The following ITPR2 variants were observed in gnomAD, a reference collection of about 807,000 sequenced individuals.
The protein encoded by ITPR2 is inositol 1,4,5-trisphosphate-gated calcium channel ITPR2.
In ITPR2, 207 loss-of-function variants were observed where a neutral mutation model predicts 317.1. That is an observed-to-expected ratio of 0.65 (90% CI 0.58 to 0.73). ITPR2 has a LOEUF of 0.73. Ranked by LOEUF, ITPR2 falls within the 30% of genes least tolerant of loss-of-function variation. The probability of loss-of-function intolerance (pLI) is 0.00; values close to 1 mark genes in which losing one functional copy is unlikely to be tolerated. For missense variants in ITPR2, 2,613 were observed against 3,284.0 expected, an observed-to-expected ratio of 0.80 and a Z score of 4.99; for synonymous variants, 1,156 against 1,149.1, an observed-to-expected ratio of 1.01 and a Z score of -0.12.
At chr12:26,579,772 A>G (rs932767512) in intron 33 of ITPR2, among the ~76,000 whole-genome samples, 5 of 152,140 alleles carry the variant, frequency 3.3e-5, no homozygotes, top group Non-Finnish European at 7.4e-5. Flanking sequence ...AGTTATTTCA[A>G]CACCTGGCAA....
chr12:26,725,118 T>C (rs995682621), intron 3 of ITPR2, among the ~76,000 whole-genome samples: 3 of 152,164 alleles, frequency 2.0e-5, no homozygotes, highest in Non-Finnish European at 4.4e-5. Context: ...AGGCTCTTTG[T>C]TCTTTTAAAA....
At chr12:26,814,048 G>C (rs1306102339) in intron 1 of ITPR2, among the ~76,000 whole-genome samples, 2 of 152,104 alleles carry the variant, frequency 1.3e-5, no homozygotes, top group Non-Finnish European at 2.9e-5. Flanking sequence ...AGAGCAGCTG[G>C]ACCATCATCG....
intron 2 of ITPR2, among the ~76,000 whole-genome samples, chr12:26,744,623 A>G (rs1949288975): frequency 6.6e-6 from 1 of 152,248 alleles, no homozygotes; most frequent in Non-Finnish European, 1.5e-5. Context: ...ACGAATAAAA[A>G]AAACATTAGT....
chr12:26,742,643 T>G (rs1346774373), intron 2 of ITPR2, among the ~76,000 whole-genome samples: 1 of 151,982 alleles, frequency 6.6e-6, no homozygotes, highest in Non-Finnish European at 1.5e-5. Flanking sequence ...GGTGAAACCC[T>G]GTCTTACTAA....
At chr12:26,800,679 C>T (rs1950540998) in intron 1 of ITPR2, among the ~76,000 whole-genome samples, 1 of 152,032 alleles carries the variant, frequency 6.6e-6, no homozygotes, top group African/African-American at 2.4e-5. Flanking sequence ...GGACTGAAGA[C>T]AGTAAATCAG....
At chr12:26,563,485 G>T (rs1382349045) in intron 34 of ITPR2, among the ~76,000 whole-genome samples, 1 of 151,928 alleles carries the variant, frequency 6.6e-6, no homozygotes, top group Admixed American at 6.6e-5. Context: ...CAGGAGAATC[G>T]CTTGAACCCA....
At position 26,391,555 on chromosome 12, in the gene ITPR2, CCTTTTTTTTTTTTTTTTTTTT is replaced by C. The variant is rs1939845168; in HGVS notation, c.7697-3982_7697-3962del. Among the ~76,000 whole-genome samples the C allele has an allele frequency of 4.2e-5, 3 of 70,854 alleles. No homozygotes were observed. In the Admixed American group the frequency reaches 6.1e-4, roughly 14 times the overall value. 46.5% of individuals were successfully genotyped at this position (70,854 alleles called of 152,430 possible). On this transcript the variant is annotated intron_variant, in intron 54 of 56. Transcript: ENST00000381340. ...AGCTTCTTCTTCTTCTTCTTCTTTT[CCTTTTTTTTTTTTTTTTTTTT>C]TTTTTTTTGACAGAGTCTTGCTCTG...
At chr12:26,528,265 C>T (rs892263411) in intron 37 of ITPR2, among the ~76,000 whole-genome samples, 4 of 152,190 alleles carry the variant, frequency 2.6e-5, no homozygotes, top group African/African-American at 7.2e-5. Flanking sequence ...GATGTTACTT[C>T]GGGGCCTCTG....
chr12:26,755,739 G>C (rs1949510060), intron 2 of ITPR2, among the ~76,000 whole-genome samples: 1 of 152,212 alleles, frequency 6.6e-6, no homozygotes, highest in African/African-American at 2.4e-5. Context: ...CCGAGGCTTT[G>C]ACTGGAATGG....
In ITPR2 at chr12:26,782,070, A is replaced by AGAGAGAGAGAGC. The variant is rs1332997577; in HGVS notation, c.163+8086_163+8087insGCTCTCTCTCTC. Among the ~76,000 whole-genome samples, 42 of 122,598 alleles carry AGAGAGAGAGAGC rather than the reference A, an allele frequency of 3.4e-4. 1 individual carries two copies. The highest frequency in any genetic ancestry group is 6.6e-4 in the Non-Finnish European group (38 of 57,734). The allele number at this position is 122,598 out of a possible 152,430, so 80.4% of individuals were successfully genotyped here. On this transcript the variant is annotated intron_variant, in intron 2 of 56. Coordinates refer to ENST00000381340, the MANE Select transcript of ITPR2 (RefSeq NM_002223.4). ...GAGAGAGAGAGAGAGAGAGAGAGAG[A>AGAGAGAGAGAGC]GAGCGAGAGAGATCCTATTAGTTCT...
chr12:26,779,175 C>A (rs1950033175), intron 2 of ITPR2, among the ~76,000 whole-genome samples: 1 of 152,148 alleles, frequency 6.6e-6, no homozygotes, highest in African/African-American at 2.4e-5. Context: ...CTGTTTGGAG[C>A]CTTTGGCAGG....
At position 26,666,047 on chromosome 12, in the gene ITPR2, C is replaced by T; in HGVS notation, c.1414G>A (p.Val472Ile). 1 of 1,607,498 alleles carries T rather than the reference C, an allele frequency of 6.2e-7. No individual in the cohort carries two copies. Among genetic ancestry groups the T allele is most frequent in the East Asian group, 2.2e-5 (1 of 44,784 alleles). Residue 472 changes from valine to isoleucine, a missense_variant, in exon 14 of 57, where the codon GTA (valine) becomes ATA (isoleucine). Transcript: ENST00000381340. Reference sequence around the variant, plus strand: ...ATGAGATCTTCCAATAATTTGGTTACAAACCTATTACAAAATGAAAAGGAA... The same window carrying T: ...ATGAGATCTTCCAATAATTTGGTTATAAACCTATTACAAAATGAAAAGGAA... Reference protein sequence around the residue: ...GTITQNERRFVTKLLEDLIFF... With the variant: ...GTITQNERRFITKLLEDLIFF...
chr12:26,751,687 G>A (rs1949422200), intron 2 of ITPR2, among the ~76,000 whole-genome samples: 1 of 152,080 alleles, frequency 6.6e-6, no homozygotes, highest in African/African-American at 2.4e-5. Flanking sequence ...GCAATATGGT[G>A]AAACCCCGTC....
intron 1 of ITPR2, among the ~76,000 whole-genome samples, chr12:26,832,063 C>G (rs1170306429): frequency 6.6e-6 from 1 of 152,032 alleles, no homozygotes; most frequent in Non-Finnish European, 1.5e-5. Flanking sequence ...CCAGGAAGCC[C>G]TCAGAGACGT....
chr12:26,620,894 A>G (rs1210614325), intron 26 of ITPR2, among the ~76,000 whole-genome samples: 1 of 152,212 alleles, frequency 6.6e-6, no homozygotes, highest in Admixed American at 6.5e-5. Context: ...TGGAAATGAC[A>G]AAGAGTGAAA....
At chr12:26,427,412 A>G (rs1050196439) in intron 49 of ITPR2, among the ~76,000 whole-genome samples, 2 of 152,300 alleles carry the variant, frequency 1.3e-5, no homozygotes, top group South Asian at 4.1e-4. Context: ...TCAAAAAATT[A>G]ATCCTATCTA....
intron 10 of ITPR2, among the ~76,000 whole-genome samples, chr12:26,687,972 T>C (rs560532853): frequency 1.3e-5 from 2 of 152,276 alleles, no homozygotes; most frequent in East Asian, 3.9e-4. Context: ...TAGCATACTA[T>C]ACATCATAAG....
chr12:26,745,671 T>C (rs1330773655), intron 2 of ITPR2, among the ~76,000 whole-genome samples: 3 of 152,148 alleles, frequency 2.0e-5, no homozygotes, highest in African/African-American at 7.2e-5. Context: ...AAATACTTGG[T>C]TTCAGAGAGA....
intron 37 of ITPR2, among the ~76,000 whole-genome samples, chr12:26,527,788 A>G (rs79645096): frequency 6.6e-6 from 1 of 152,192 alleles, no homozygotes; most frequent in Admixed American, 6.5e-5. Context: ...CCTGACAAGG[A>G]TAAAGGTAAT....
Sources: gnomAD v4.1 joint callset for allele counts (sites outside exome capture counted in the v4.1 genomes callset) on GRCh38, gnomAD v4.1.1 for gene constraint, MANE v1.5 for transcripts, NCBI Gene and HGNC (gene_info 2026-07-23, HGNC 2026-07-21) for gene names.